CCDC175: variants seen among roughly 807,000 people sequenced by gnomAD.
CCDC175 encodes coiled-coil domain-containing protein 175.
In CCDC175, 100 loss-of-function variants were observed where a neutral mutation model predicts 114.6. The observed-to-expected ratio is 0.87, with a 90% CI of 0.74 to 1.03. The LOEUF is 1.03. CCDC175 is among the 50% of genes least tolerant of loss of function. CCDC175 has a pLI of 0.00. For synonymous variants in CCDC175, 306 were observed against 308.7 expected (o/e 0.99, Z 0.09); for missense variants, 880 against 917.8 (o/e 0.96, Z 0.53).
intron 14 of CCDC175, among the ~76,000 whole-genome samples, chr14:59,531,045 C>A (rs970429252): frequency 6.6e-6 from 1 of 151,516 alleles, no homozygotes; most frequent in Non-Finnish European, 1.5e-5. Context: ...GAGGCCAAGG[C>A]AGAAGGATCT....
At chr14:59,547,387 G>T (rs985522094) in intron 8 of CCDC175, among the ~76,000 whole-genome samples, 4 of 152,104 alleles carry the variant, frequency 2.6e-5, no homozygotes, top group Admixed American at 6.5e-5. Flanking sequence ...AAATTGAAAA[G>T]GTCAAGAATA....
At chr14:59,574,814 A>AT in intron 2 of CCDC175, 129 bp downstream of exon 2, 2 of 524,378 alleles carry the variant, frequency 3.8e-6, no homozygotes, top group African/African-American at 1.9e-5. Context: ...AGAGAAAAAT[A>AT]TTTTTAAGTT....
chr14:59,530,893 T>C (rs748819734), intron 14 of CCDC175, among the ~76,000 whole-genome samples: 2 of 152,172 alleles, frequency 1.3e-5, no homozygotes, highest in Non-Finnish European at 2.9e-5. Flanking sequence ...TCTTCTTTCA[T>C]CATCTAGAAG....
At chr14:59,559,946 C>G (rs965791149) in intron 7 of CCDC175, among the ~76,000 whole-genome samples, 1 of 152,086 alleles carries the variant, frequency 6.6e-6, no homozygotes, top group Non-Finnish European at 1.5e-5. Context: ...ATTTCATCAA[C>G]GTAGTGAGGT....
At chr14:59,524,169 G>C (rs1893603309) in intron 16 of CCDC175, among the ~76,000 whole-genome samples, 1 of 152,106 alleles carries the variant, frequency 6.6e-6, no homozygotes, top group Admixed American at 6.5e-5. Context: ...GTAAATTTTT[G>C]TTGTTACTGT....
chr14:59,520,248 A>C (rs1893346730), intron 17 of CCDC175, among the ~76,000 whole-genome samples: 1 of 152,238 alleles, frequency 6.6e-6, no homozygotes, highest in African/African-American at 2.4e-5. Context: ...AATCACAATG[A>C]AATGCCATTA....
chr14:59,534,237 C>T (rs946490386), intron 13 of CCDC175, among the ~76,000 whole-genome samples: 1 of 152,106 alleles, frequency 6.6e-6, no homozygotes, highest in Non-Finnish European at 1.5e-5. Context: ...TGGAGTGGGG[C>T]AGCCAGTCAG....
At chr14:59,519,099 A>C (rs1893276881) in intron 17 of CCDC175, among the ~76,000 whole-genome samples, 2 of 152,138 alleles carry the variant, frequency 1.3e-5, no homozygotes, top group Non-Finnish European at 2.9e-5. Flanking sequence ...GTTCTCACTC[A>C]TAGGTGGGAA....
chr14:59,552,569 C>A (rs917139912), intron 7 of CCDC175, among the ~76,000 whole-genome samples: 3 of 152,306 alleles, frequency 2.0e-5, no homozygotes, highest in Non-Finnish European at 2.9e-5. Flanking sequence ...ACCTCCCCCC[C>A]TCCAAAAGAA....
In CCDC175 at chr14:59,565,187, A is replaced by T; in HGVS notation, c.580T>A (p.Tyr194Asn). The T allele has an allele frequency of 6.5e-7, 1 of 1,537,778 alleles. No homozygotes were observed. Among genetic ancestry groups the T allele is most frequent in the Non-Finnish European group, 8.7e-7 (1 of 1,147,030 alleles). ...TMEKKATTTV[Y>N]INETYTKINL... ...ATTTTGGTATAAGTCTCATTTATGT[A>T]AACAGTGGTGGTGGCTTTTTTCTCC... Residue 194 changes from tyrosine (Y) to asparagine (N), a missense_variant, in exon 5 of 20, where the codon TAC (tyrosine) becomes AAC (asparagine). Physicochemically the swap from Tyr to Asn is moderately radical, Grantham distance 143. Coordinates refer to ENST00000537690, the MANE Select transcript of CCDC175 (RefSeq NM_001164399.2).
chr14:59,506,483 T>C (rs555218050), intron 19 of CCDC175, among the ~76,000 whole-genome samples: 3 of 152,196 alleles, frequency 2.0e-5, no homozygotes, highest in East Asian at 3.9e-4. Flanking sequence ...AAATGGGGTT[T>C]CACCCTGTTG....
chr14:59,568,757 C>T (rs1896694962), intron 3 of CCDC175, among the ~76,000 whole-genome samples: 1 of 152,184 alleles, frequency 6.6e-6, no homozygotes, highest in Admixed American at 6.5e-5. Flanking sequence ...AGCATCAGAC[C>T]AGTGATAGAC....
At chr14:59,514,011 T>C (rs1594978251) in intron 17 of CCDC175, among the ~76,000 whole-genome samples, 1 of 152,150 alleles carries the variant, frequency 6.6e-6, no homozygotes, top group Non-Finnish European at 1.5e-5. Context: ...TGTTCACCAA[T>C]ATCCGCTGTT....
Position 59,574,941 on chromosome 14 carries a change from A to C in CCDC175, c.243+2T>G. On this transcript the variant is annotated splice_donor_variant, in intron 2 of 19. Coordinates refer to ENST00000537690, the MANE Select transcript of CCDC175 (RefSeq NM_001164399.2). LOFTEE classifies it high-confidence loss of function. ...AAATGGTTCTTATAGATAATACAAT[A>C]CCAATTTCTTAACAGCTACAGCAAT... 1 of 1,413,874 alleles carries C rather than the reference A, an allele frequency of 7.1e-7. No homozygotes were observed. The highest frequency in any genetic ancestry group is 1.3e-5 in the South Asian group (1 of 78,360). 87.6% of individuals were successfully genotyped at this position (1,413,874 alleles called of 1,614,324 possible).
rs1047926531 is a variant in CCDC175, at chr14:59,521,691, C to T, written c.1996-15G>A. 1 of 1,365,268 alleles carries T rather than the reference C, an allele frequency of 7.3e-7. No homozygotes were observed. Among genetic ancestry groups the T allele is most frequent in the Non-Finnish European group, 1.0e-6 (1 of 991,878 alleles). 84.6% of individuals were successfully genotyped at this position (1,365,268 alleles called of 1,614,324 possible). A position where few individuals can be genotyped will look rare whatever the true frequency, so the allele number is the denominator to read the frequency against. ...TATAAAATATACTGAAAATTAAAAG[C>T]ATGTGATTGCTTTTAGCAGTTTAGT... On this transcript the variant is annotated splice_polypyrimidine_tract_variant and intron_variant, in intron 16 of 19. Transcript: ENST00000537690.
rs1893796483 is a variant in CCDC175, at chr14:59,527,188, GA to G, written c.1763-15del. 3.7e-6 allele frequency: 5 copies of G among 1,364,594 alleles called. No homozygotes were observed. Among genetic ancestry groups the G allele is most frequent in the African/African-American group, 1.5e-5 (1 of 66,420 alleles). 84.5% of individuals were successfully genotyped at this position (1,364,594 alleles called of 1,614,324 possible). On this transcript the variant is annotated splice_polypyrimidine_tract_variant and intron_variant, in intron 14 of 19. Coordinates refer to ENST00000537690, the MANE Select transcript of CCDC175 (RefSeq NM_001164399.2). ...CCTGTCTTTGTGCTATTAAAACAAA[GA>G]AAAAAATAACTACCTCAAAAATTTA...
At chr14:59,571,404 A>G (rs1442709485) in intron 3 of CCDC175, among the ~76,000 whole-genome samples, 1 of 152,236 alleles carries the variant, frequency 6.6e-6, no homozygotes, top group Non-Finnish European at 1.5e-5. Flanking sequence ...AAGAACTCCT[A>G]CAACTCAACA....
chr14:59,510,550 A>G (rs1287253017), intron 19 of CCDC175, 96 bp downstream of exon 19: 11 of 1,225,402 alleles, frequency 9.0e-6, no homozygotes, highest in African/African-American at 1.5e-5. Context: ...TAACTAAGTC[A>G]CTTAGTTGAC....
chr14:59,537,709 A>T (rs1331601236), intron 13 of CCDC175, among the ~76,000 whole-genome samples: 2 of 152,016 alleles, frequency 1.3e-5, no homozygotes, highest in Non-Finnish European at 2.9e-5. Flanking sequence ...TGACTTTACT[A>T]ATCTCCCTTG....
Sources: allele counts gnomAD v4.1 joint callset (sites outside exome capture counted in the v4.1 genomes callset), GRCh38; gene constraint gnomAD v4.1.1; transcripts MANE v1.5; gene names NCBI Gene and HGNC (gene_info 2026-07-23, HGNC 2026-07-21).